Variants in GABRB2 observed in about 807,000 individuals in gnomAD.
GABRB2 encodes the protein gamma-aminobutyric acid type A receptor subunit beta2, also known as gamma-aminobutyric acid receptor subunit beta-2.
Under a neutral mutation model 54.7 loss-of-function variants are expected in GABRB2, and 16 were observed. That is an observed-to-expected ratio of 0.29 (90% CI 0.20 to 0.44). The LOEUF is 0.44. Ranked by LOEUF, GABRB2 falls within the 20% of genes least tolerant of loss-of-function variation. The probability of loss-of-function intolerance (pLI) is 1.00; values close to 1 mark genes in which losing one functional copy is unlikely to be tolerated. For synonymous variants in GABRB2, 244 were observed against 233.8 expected, an observed-to-expected ratio of 1.04 and a Z score of -0.40; for missense variants, 355 against 644.0, an observed-to-expected ratio of 0.55 and a Z score of 4.86.
intron 9 of GABRB2, among the ~76,000 whole-genome samples, chr5:161,294,649 G>T (rs560805286): frequency 2.6e-5 from 4 of 152,160 alleles, no homozygotes; most frequent in South Asian, 4.1e-4. Flanking sequence ...AACCCTAGAG[G>T]GTTGCTGTAA....
chr5:161,487,405 G>A (rs1581027112), intron 3 of GABRB2, among the ~76,000 whole-genome samples: 1 of 151,836 alleles, frequency 6.6e-6, no homozygotes, highest in African/African-American at 2.4e-5. Flanking sequence ...CACTCTTATT[G>A]AATGCTTCCG....
intron 7 of GABRB2, 90 bp from the exon 8 acceptor site, chr5:161,331,217 T>C: frequency 1.4e-6 from 2 of 1,406,116 alleles, no homozygotes; most frequent in Admixed American, 2.3e-5. Context: ...ATTCATTTTC[T>C]CATTCATATA....
intron 3 of GABRB2, among the ~76,000 whole-genome samples, chr5:161,492,925 C>T (rs1759125057): frequency 6.6e-6 from 1 of 151,568 alleles, no homozygotes; most frequent in South Asian, 2.1e-4. Context: ...ATTTCTTCTC[C>T]CATTGACAGA....
chr5:161,421,674 T>C (rs1017847311), intron 4 of GABRB2, among the ~76,000 whole-genome samples: 3 of 151,980 alleles, frequency 2.0e-5, no homozygotes, highest in African/African-American at 7.3e-5. Flanking sequence ...GACCCCTCAA[T>C]CCACTATGGG....
At chr5:161,547,478 C>G (rs1761023273), upstream of GABRB2, among the ~76,000 whole-genome samples, 1 of 152,120 alleles carries the variant, frequency 6.6e-6, no homozygotes, top group Admixed American at 6.5e-5. Flanking sequence ...TCTCCTCACC[C>G]TTTGCCCCCT....
chr5:161,440,513 G>C (rs896072592), intron 4 of GABRB2, among the ~76,000 whole-genome samples: 1 of 152,046 alleles, frequency 6.6e-6, no homozygotes, highest in Non-Finnish European at 1.5e-5. Context: ...AATGATAAAA[G>C]GTCAATTTAG....
Position 161,527,200 on chromosome 5 carries a change from A to G in GABRB2, c.237+18027T>C, listed in dbSNP as rs182834603. Among the ~76,000 whole-genome samples, 137 of 151,532 alleles carry G rather than the reference A, an allele frequency of 9.0e-4. 2 individuals carry two copies. In the East Asian group the frequency reaches 0.024, roughly 26 times the overall value. ...AAACACAGACCTAAGGACAAGAAGGATTTCCTATGTGGTAAAGAACATTTC... is the reference window on the plus strand; with the variant it reads ...AAACACAGACCTAAGGACAAGAAGGGTTTCCTATGTGGTAAAGAACATTTC... On this transcript the variant is annotated intron_variant, in intron 3 of 9. Transcript: ENST00000393959.
intron 5 of GABRB2, among the ~76,000 whole-genome samples, chr5:161,390,217 T>C (rs1012518670): frequency 2.0e-5 from 3 of 152,098 alleles, no homozygotes; most frequent in African/African-American, 7.2e-5. Context: ...ACTCAAGTCA[T>C]CTCTGCTGAA....
intron 4 of GABRB2, among the ~76,000 whole-genome samples, chr5:161,440,363 G>A (rs1271275392): frequency 6.6e-6 from 1 of 152,006 alleles, no homozygotes; most frequent in Non-Finnish European, 1.5e-5. Context: ...CAACTATAAA[G>A]ACACATATAG....
chr5:161,453,233 T>G (rs746047005), intron 4 of GABRB2, among the ~76,000 whole-genome samples: 1 of 152,220 alleles, frequency 6.6e-6, no homozygotes, highest in Non-Finnish European at 1.5e-5. Context: ...TATCTCTTGA[T>G]GGAAATCTCT....
intron 3 of GABRB2, among the ~76,000 whole-genome samples, chr5:161,497,559 T>TGTGTGC (rs58735264): frequency 6.6e-6 from 1 of 150,498 alleles, no homozygotes; most frequent in East Asian, 2.0e-4. Flanking sequence ...TGTGTGTGTG[T>TGTGTGC]TTTATTTAGT....
At chr5:161,399,928 G>A (rs1756131530) in intron 5 of GABRB2, among the ~76,000 whole-genome samples, 1 of 152,160 alleles carries the variant, frequency 6.6e-6, no homozygotes, top group African/African-American at 2.4e-5. Flanking sequence ...TACTACTGAT[G>A]GTGATGGCGA....
chr5:161,457,035 C>G (rs1757974918), intron 4 of GABRB2, among the ~76,000 whole-genome samples: 1 of 152,176 alleles, frequency 6.6e-6, no homozygotes, highest in Admixed American at 6.5e-5. Context: ...TGAGAAAGAT[C>G]TGATATGCAT....
chr5:161,409,614 T>G (rs1946247), intron 5 of GABRB2, among the ~76,000 whole-genome samples: 131,207 of 152,084 alleles, frequency 0.86, 56,623 homozygotes, highest in East Asian at 0.97. Context: ...TGGCAGCATA[T>G]ATACCAAAAC....
At position 161,407,255 on chromosome 5, in the gene GABRB2, C is replaced by A. The variant is rs546028108; in HGVS notation, c.541+3720G>T. 2.0e-5 allele frequency among the ~76,000 whole-genome samples: 3 copies of A among 152,118 alleles called. No individual in the cohort carries two copies. The East Asian group carries it at 5.8e-4, about 29-fold the overall frequency. On this transcript the variant is annotated intron_variant, in intron 5 of 9. Transcript: ENST00000393959. ...CATTGGTATTGTGTAGCTGAGCTGG[C>A]ACAGAATACAGCAGAGTATCCCCCT... is the stretch of plus-strand genomic sequence containing the variant.
chr5:161,494,905 T>C (rs1197215750), intron 3 of GABRB2, among the ~76,000 whole-genome samples: 1 of 151,930 alleles, frequency 6.6e-6, no homozygotes, highest in Admixed American at 6.6e-5. Flanking sequence ...ATTCTCTCTA[T>C]ATAAGTAGTA....
intron 8 of GABRB2, chr5:161,330,019 T>TG (rs1753783480): frequency 6.6e-6 from 1 of 152,178 alleles, no homozygotes; most frequent in Admixed American, 6.5e-5. Context: ...TAGAATAACT[T>TG]GGGGAACTTT....
intron 3 of GABRB2, among the ~76,000 whole-genome samples, chr5:161,497,736 C>T (rs1461910878): frequency 6.6e-6 from 1 of 152,124 alleles, no homozygotes; most frequent in African/African-American, 2.4e-5. Flanking sequence ...GAACATTACA[C>T]AAGCTAAGTT....
chr5:161,352,835 T>A (rs1754514953), intron 5 of GABRB2, among the ~76,000 whole-genome samples: 1 of 151,996 alleles, frequency 6.6e-6, no homozygotes, highest in South Asian at 2.1e-4. Flanking sequence ...TTTTGTCAAG[T>A]AAAATTAATA....
Sources: allele counts gnomAD v4.1 joint callset (sites outside exome capture counted in the v4.1 genomes callset), GRCh38; gene constraint gnomAD v4.1.1; transcripts MANE v1.5; gene names NCBI Gene and HGNC (gene_info 2026-07-23, HGNC 2026-07-21).